The following ANP32A variants were observed in gnomAD, a reference collection of about 807,000 sequenced individuals.
The protein encoded by ANP32A is acidic leucine-rich nuclear phosphoprotein 32 family member A.
A neutral mutation model predicts 33.9 loss-of-function variants in ANP32A; 1 was observed. That is an observed-to-expected ratio of 0.03 (90% confidence interval 0.01 to 0.14). The LOEUF (loss-of-function observed/expected upper bound fraction) is 0.14. Among genes scored for constraint, ANP32A ranks in the 10% least tolerant of loss-of-function variants. The pLI is 1.00. For synonymous variants in ANP32A, 115 were observed against 120.5 expected (o/e 0.95, Z 0.30); for missense variants, 155 against 306.0 (o/e 0.51, Z 3.68).
At chr15:68,809,340 G>C (rs1567039570) in intron 1 of ANP32A, among the ~76,000 whole-genome samples, 2 of 152,198 alleles carry the variant, frequency 1.3e-5, no homozygotes, top group African/African-American at 4.8e-5. Context: ...TTCTTTTACA[G>C]AGTGAACTTT....
chr15:68,795,573 C>T (rs913307914), intron 1 of ANP32A, among the ~76,000 whole-genome samples: 4 of 152,300 alleles, frequency 2.6e-5, no homozygotes, highest in South Asian at 4.1e-4. Context: ...TCTCCTCCCG[C>T]GGGTGTGAGA....
chr15:68,820,869 G>T lies in ANP32A; in HGVS notation c.-118C>A. 8.1e-7 allele frequency: 1 copy of T among 1,236,716 alleles called. No individual in the cohort carries two copies. 76.6% of individuals were successfully genotyped at this position (1,236,716 alleles called of 1,614,324 possible). A position where few individuals can be genotyped will look rare whatever the true frequency, so the allele number is the denominator to read the frequency against. On this transcript the variant is annotated 5_prime_UTR_variant, in exon 1 of 7. Coordinates refer to ENST00000465139, the MANE Select transcript of ANP32A (RefSeq NM_006305.4). ...GCTCAACCAGCTCCGCTCGGTTCTC[G>T]AGCCCCCAGCACCCGCGGCGCACAC...
At chr15:68,787,392 G>T (rs1269359724) in intron 3 of ANP32A, 21 bp downstream of exon 3, 1 of 1,614,112 alleles carries the variant, frequency 6.2e-7, no homozygotes, top group Non-Finnish European at 8.5e-7. Flanking sequence ...CTGCAGGGAG[G>T]GGAGGGTCCG....
intron 1 of ANP32A, among the ~76,000 whole-genome samples, chr15:68,798,362 CAG>C (rs1894089237): frequency 1.3e-5 from 2 of 152,222 alleles, no homozygotes; most frequent in South Asian, 2.1e-4. Context: ...CAATCAGACT[CAG>C]AGGCCAGGAC....
chr15:68,784,921 T>C (rs114904065), intron 3 of ANP32A, among the ~76,000 whole-genome samples: 10 of 152,346 alleles, frequency 6.6e-5, no homozygotes, highest in African/African-American at 2.4e-4. Context: ...GGGGCTTTCT[T>C]GGTGCATGAG....
intron 1 of ANP32A, among the ~76,000 whole-genome samples, chr15:68,788,944 G>A (rs1379048301): frequency 1.3e-5 from 2 of 152,236 alleles, no homozygotes; most frequent in Non-Finnish European, 2.9e-5. Flanking sequence ...AGACTTAGCT[G>A]AAGGTGAAAC....
rs765021106 is a variant in ANP32A at position 68,784,380 on chromosome 15, C to T, written c.526+17G>A. 75 of 1,612,194 alleles carry T rather than the reference C, an allele frequency of 4.7e-5. No individual in the cohort carries two copies. Among genetic ancestry groups the T allele is most frequent in the Middle Eastern group, 3.3e-4 (2 of 6,080 alleles). ...CAGCTGGGCCCCTGCAGCCCTGGGC[C>T]GCACCCTGTCACCCACCATCCTCAT... On this transcript the variant is annotated intron_variant, in intron 4 of 6. Coordinates refer to ENST00000465139, the MANE Select transcript of ANP32A (RefSeq NM_006305.4).
intron 1 of ANP32A, among the ~76,000 whole-genome samples, chr15:68,795,694 G>A (rs1297012840): frequency 6.6e-6 from 1 of 152,270 alleles, no homozygotes; most frequent in African/African-American, 2.4e-5. Context: ...GGTGGCTGCA[G>A]GACCTGAGTT....
At chr15:68,816,381 T>C (rs1421139209) in intron 1 of ANP32A, among the ~76,000 whole-genome samples, 1 of 152,132 alleles carries the variant, frequency 6.6e-6, no homozygotes, top group East Asian at 1.9e-4. Context: ...TCAATTTCCA[T>C]ATGCACAATG....
chr15:68,815,625 A>T (rs1894370633), intron 1 of ANP32A, among the ~76,000 whole-genome samples: 1 of 152,174 alleles, frequency 6.6e-6, no homozygotes, highest in African/African-American at 2.4e-5. Flanking sequence ...ATTGGGGTGG[A>T]GCCCAGGAAT....
intron 4 of ANP32A, 117 bp downstream of exon 4, chr15:68,784,279 CT>C: frequency 8.4e-7 from 1 of 1,185,400 alleles, no homozygotes. Context: ...GACAGCCAGC[CT>C]TCAGTAGCTG....
chr15:68,815,171 C>T (rs144895387), intron 1 of ANP32A, among the ~76,000 whole-genome samples: 1 of 152,232 alleles, frequency 6.6e-6, no homozygotes, highest in African/African-American at 2.4e-5. Flanking sequence ...CTGAGAGTAC[C>T]ACCCAAATAT....
At chr15:68,818,717 A>G (rs1894426297) in intron 1 of ANP32A, among the ~76,000 whole-genome samples, 1 of 151,758 alleles carries the variant, frequency 6.6e-6, no homozygotes, top group African/African-American at 2.4e-5. Flanking sequence ...TCGCCAGGCC[A>G]GCCGCGCCCC....
chr15:68,800,105 C>T (rs979028536), intron 1 of ANP32A, among the ~76,000 whole-genome samples: 4 of 152,138 alleles, frequency 2.6e-5, no homozygotes, highest in Admixed American at 6.5e-5. Flanking sequence ...GAGCTTCATA[C>T]ATAAAGAGTG....
chr15:68,815,256 T>C (rs1420573820), intron 1 of ANP32A, among the ~76,000 whole-genome samples: 7 of 152,198 alleles, frequency 4.6e-5, no homozygotes, highest in African/African-American at 1.2e-4. Flanking sequence ...TGAACCACCT[T>C]TTCAGCAAAC....
rs896704114 is a variant in ANP32A at position 68,788,067 on chromosome 15, G to A, written c.55-148C>T. On this transcript the variant is annotated intron_variant, in intron 1 of 6. Coordinates refer to ENST00000465139, the MANE Select transcript of ANP32A (RefSeq NM_006305.4). ...TTCTTCTAGCTTTCCGGATCACTGT[G>A]CTGCCAACGACCACAGGATGGATTT... 12 of 1,046,490 alleles carry A rather than the reference G, an allele frequency of 1.1e-5. No homozygotes were observed. In the African/African-American group the frequency reaches 1.9e-4, roughly 17 times the overall value. 64.8% of individuals were successfully genotyped at this position (1,046,490 alleles called of 1,614,324 possible).
At position 68,796,749 on chromosome 15, in the gene ANP32A, G is replaced by T. The variant is rs1337989958; in HGVS notation, c.55-8830C>A. ...GACCTGGGCTTTGGTCCGCCTTGCC[G>T]CTAACTTGCTGTGTGACCTTCGGGA... On this transcript the variant is annotated intron_variant, in intron 1 of 6. Transcript: ENST00000465139. 4.6e-5 allele frequency among the ~76,000 whole-genome samples: 7 copies of T among 152,178 alleles called. No homozygotes were observed. In the South Asian group the frequency reaches 1.5e-3, roughly 32 times the overall value.
intron 3 of ANP32A, 73 bp downstream of exon 3, chr15:68,787,340 A>T (rs1567034662): frequency 6.3e-7 from 1 of 1,596,554 alleles, no homozygotes; most frequent in African/African-American, 1.3e-5. Flanking sequence ...GACAAATGCA[A>T]AAGTAGTATT....
intron 1 of ANP32A, among the ~76,000 whole-genome samples, chr15:68,793,827 G>A (rs993130903): frequency 3.3e-5 from 5 of 152,198 alleles, no homozygotes; most frequent in East Asian, 3.8e-4. Context: ...AACCAAGTGC[G>A]TGCTGCACGG....
Sources: gnomAD v4.1 joint callset for allele counts (sites outside exome capture counted in the v4.1 genomes callset) on GRCh38, gnomAD v4.1.1 for gene constraint, MANE v1.5 for transcripts, NCBI Gene and HGNC (gene_info 2026-07-23, HGNC 2026-07-21) for gene names.